PEX14: variants seen among roughly 807,000 people sequenced by gnomAD.
The protein encoded by PEX14 is peroxisomal membrane protein PEX14.
A neutral mutation model predicts 49.5 loss-of-function variants in PEX14; 15 were observed. That is an observed-to-expected ratio of 0.30 (90% CI 0.20 to 0.47). PEX14 has a LOEUF of 0.47. Ranked by LOEUF, PEX14 falls within the 20% of genes least tolerant of loss-of-function variation. PEX14 has a pLI of 1.00. For missense variants in PEX14, 398 were observed against 494.8 expected (o/e 0.80, Z 1.86); for synonymous variants, 210 against 212.7 (o/e 0.99, Z 0.11).
chr1:10,621,395 G>A lies in PEX14; in HGVS notation c.385-1624G>A, dbSNP rs182232192. On this transcript the variant is annotated intron_variant, in intron 5 of 8. Coordinates refer to ENST00000356607, the MANE Select transcript of PEX14 (RefSeq NM_004565.3). The stretch of plus-strand genomic sequence containing the variant: ...ACAGTCTAACTCTGTTACCCGGGCT[G>A]GAGTGCAGTGGCATGATCTCTGCTC... Among the ~76,000 whole-genome samples, 157 of 143,036 alleles carry A rather than the reference G, an allele frequency of 1.1e-3. 1 individual carries two copies. The highest frequency in any genetic ancestry group is 3.8e-3 in the African/African-American group (144 of 38,164). The allele number at this position is 143,036 out of a possible 152,430, so 93.8% of individuals were successfully genotyped here.
chr1:10,577,252 C>G (rs1279276819), intron 3 of PEX14, among the ~76,000 whole-genome samples: 1 of 151,098 alleles, frequency 6.6e-6, no homozygotes, highest in African/African-American at 2.4e-5. Context: ...CAAAAATTAG[C>G]TGGGCTTGGT....
At chr1:10,580,528 C>T (rs1294604673) in intron 3 of PEX14, among the ~76,000 whole-genome samples, 2 of 151,974 alleles carry the variant, frequency 1.3e-5, no homozygotes, top group African/African-American at 4.8e-5. Flanking sequence ...CCCAAACAGG[C>T]GTGAGCCACT....
In PEX14 at chr1:10,495,781, C is replaced by T. The variant is rs1227953937; in HGVS notation, c.84+460C>T. ...AATTGTGTGATTGTCATTCCCAACG[C>T]TGTCTTCTTAGACTATGGATAGGGA... On this transcript the variant is annotated intron_variant, in intron 2 of 8. Coordinates refer to ENST00000356607, the MANE Select transcript of PEX14 (RefSeq NM_004565.3). The surrounding 1 kb of genome is among the most constrained non-coding windows in gnomAD (Gnocchi z 4.2). Among the ~76,000 whole-genome samples the T allele has an allele frequency of 6.6e-6, 1 of 152,220 alleles. No individual in the cohort carries two copies. The highest frequency in any genetic ancestry group is 1.5e-5 in the Non-Finnish European group (1 of 68,044).
intron 4 of PEX14, among the ~76,000 whole-genome samples, chr1:10,612,306 G>A (rs916146060): frequency 1.4e-4 from 21 of 151,840 alleles, no homozygotes; most frequent in Middle Eastern, 3.4e-3. Context: ...GTAAGCATGG[G>A]TCTATTTCTG....
intron 3 of PEX14, among the ~76,000 whole-genome samples, chr1:10,566,417 T>C (rs1045903224): frequency 2.0e-5 from 3 of 152,180 alleles, no homozygotes; most frequent in Non-Finnish European, 4.4e-5. Flanking sequence ...TAGTTTGAAA[T>C]TTGTCTTGAC....
At chr1:10,573,291 G>T (rs939957556) in intron 3 of PEX14, among the ~76,000 whole-genome samples, 1 of 152,162 alleles carries the variant, frequency 6.6e-6, no homozygotes. Context: ...TTTTTAAAGT[G>T]TACAGGCTTT....
chr1:10,489,086 T>G (rs538114352), intron 1 of PEX14, among the ~76,000 whole-genome samples: 1 of 152,320 alleles, frequency 6.6e-6, no homozygotes, highest in East Asian at 1.9e-4. Flanking sequence ...GTTCAAGTGA[T>G]TCTCCTACCT....
chr1:10,560,747 T>G (rs1366271934), intron 3 of PEX14, among the ~76,000 whole-genome samples: 1 of 145,256 alleles, frequency 6.9e-6, no homozygotes, highest in Non-Finnish European at 1.5e-5. Context: ...AGACGGAGTC[T>G]TGCTCTGTCG....
chr1:10,486,773 C>T (rs796261449), intron 1 of PEX14, among the ~76,000 whole-genome samples: 28 of 151,548 alleles, frequency 1.8e-4, no homozygotes, highest in African/African-American at 6.1e-4. Flanking sequence ...CTGCAACCTC[C>T]GCCTCCTGGG....
At chr1:10,531,913 G>A (rs1318222233) in intron 2 of PEX14, among the ~76,000 whole-genome samples, 2 of 152,168 alleles carry the variant, frequency 1.3e-5, no homozygotes, top group African/African-American at 2.4e-5. Context: ...AGATTACAAT[G>A]TGCAGGTCTT....
intron 3 of PEX14, among the ~76,000 whole-genome samples, chr1:10,551,015 T>C (rs943816542): frequency 1.3e-5 from 2 of 152,198 alleles, no homozygotes; most frequent in African/African-American, 4.8e-5. Flanking sequence ...AGTGTGGCTC[T>C]AAAGTAAATG....
Position 10,597,457 on chromosome 1 carries a change from G to T in PEX14, c.170-1781G>T, listed in dbSNP as rs553704389. Among the ~76,000 whole-genome samples, 1 of 150,210 alleles carries T rather than the reference G, an allele frequency of 6.7e-6. No homozygotes were observed. The highest frequency in any genetic ancestry group is 2.4e-5 in the African/African-American group (1 of 41,388). On this transcript the variant is annotated intron_variant, in intron 3 of 8. Coordinates refer to ENST00000356607, the MANE Select transcript of PEX14 (RefSeq NM_004565.3). This position sits in a 1 kb window ranked among gnomAD's most constrained non-coding sequence, Gnocchi z 5.7. ...CAAACTCAGGGCGGGGGTATTCTCT[G>T]TTGTTGCCTGGCTTGCCTGTTGGTC...
intron 3 of PEX14, among the ~76,000 whole-genome samples, chr1:10,555,146 C>T (rs1040661536): frequency 1.3e-5 from 2 of 152,108 alleles, no homozygotes; most frequent in African/African-American, 2.4e-5. Flanking sequence ...AACACACCAA[C>T]CTGCTGTGTT....
chr1:10,519,160 C>G (rs558606716), intron 2 of PEX14, among the ~76,000 whole-genome samples: 5 of 152,198 alleles, frequency 3.3e-5, no homozygotes, highest in South Asian at 4.2e-4. Flanking sequence ...CCTAACACCC[C>G]CCTTTTCATC....
chr1:10,552,655 A>G (rs1639368466), intron 3 of PEX14, among the ~76,000 whole-genome samples: 1 of 152,246 alleles, frequency 6.6e-6, no homozygotes, highest in Non-Finnish European at 1.5e-5. Context: ...AAATACAAAA[A>G]TAAGATTTAA....
At position 10,512,657 on chromosome 1, in the gene PEX14, C is replaced by T. The variant is rs575237865; in HGVS notation, c.84+17336C>T. 8.6e-5 allele frequency among the ~76,000 whole-genome samples: 13 copies of T among 151,860 alleles called. No individual in the cohort carries two copies. The highest frequency in any genetic ancestry group is 2.9e-4 in the African/African-American group (12 of 41,472). ...AACAATATATTCAGATGCATAGGATCGTTTTTAAATGAAATGCTCCCTGTT... is the reference window on the plus strand; with the variant it reads ...AACAATATATTCAGATGCATAGGATTGTTTTTAAATGAAATGCTCCCTGTT... On this transcript the variant is annotated intron_variant, in intron 2 of 8. Coordinates refer to ENST00000356607, the MANE Select transcript of PEX14 (RefSeq NM_004565.3). The surrounding 1 kb of genome is among the most constrained non-coding windows in gnomAD (Gnocchi z 4.6).
At chr1:10,550,778 G>C (rs1639311863) in intron 3 of PEX14, among the ~76,000 whole-genome samples, 2 of 152,226 alleles carry the variant, frequency 1.3e-5, no homozygotes, top group African/African-American at 4.8e-5. Context: ...GAATTTCAGG[G>C]TGTAGTCTGC....
intron 4 of PEX14, among the ~76,000 whole-genome samples, chr1:10,614,122 T>C (rs1317966346): frequency 6.6e-6 from 1 of 152,166 alleles, no homozygotes; most frequent in African/African-American, 2.4e-5. Flanking sequence ...TTTGAGCTAG[T>C]GTGGACTGTG....
chr1:10,617,948 A>G (rs554020023), intron 4 of PEX14, among the ~76,000 whole-genome samples: 1 of 152,148 alleles, frequency 6.6e-6, no homozygotes, highest in East Asian at 1.9e-4. Flanking sequence ...ATATATGGGT[A>G]TATTTATGCT....
Sources: gnomAD v4.1 joint callset for allele counts (sites outside exome capture counted in the v4.1 genomes callset) on GRCh38, gnomAD v4.1.1 for gene constraint, Gnocchi (gnomAD v3.1) non-coding constraint, MANE v1.5 for transcripts, NCBI Gene and HGNC (gene_info 2026-07-23, HGNC 2026-07-21) for gene names.